IL1RAPL1: variants seen among roughly 807,000 people sequenced by gnomAD.
The protein encoded by IL1RAPL1 is interleukin-1 receptor accessory protein-like 1.
Under a neutral mutation model 48.4 loss-of-function variants are expected in IL1RAPL1, and 3 were observed. That is an observed-to-expected ratio of 0.06 (90% confidence interval 0.03 to 0.16). IL1RAPL1 has a LOEUF of 0.16. Ranked by LOEUF, IL1RAPL1 falls within the 10% of genes least tolerant of loss-of-function variation. The pLI, the probability that IL1RAPL1 is intolerant of heterozygous loss-of-function variation, is 1.00. For synonymous variants in IL1RAPL1, 185 were observed against 187.7 expected, an observed-to-expected ratio of 0.99 and a Z score of 0.12; for missense variants, 349 against 530.6, an observed-to-expected ratio of 0.66 and a Z score of 3.36.
intron 6 of IL1RAPL1, among the ~76,000 whole-genome samples, chrX:29,749,693 TTCTTTG>T (rs71900495): frequency 0.15 from 16,333 of 111,456 alleles, 1,225 homozygotes; most frequent in African/African-American, 0.28. Context: ...TAGCCAGACT[TTCTTTG>T]TCAAAAACAT....
intron 2 of IL1RAPL1, among the ~76,000 whole-genome samples, chrX:28,825,795 T>C (rs1298052108): frequency 9.0e-6 from 1 of 111,596 alleles, no homozygotes; most frequent in African/African-American, 3.2e-5. Flanking sequence ...TGCTATTTTT[T>C]TGAATATAGT....
At chrX:29,583,672 C>T (rs1923058141) in intron 5 of IL1RAPL1, among the ~76,000 whole-genome samples, 1 of 80,078 alleles carries the variant, frequency 1.2e-5, no homozygotes, top group Non-Finnish European at 2.4e-5. Context: ...CAATGCCATC[C>T]CCATCAAGCT....
chrX:28,854,491 A>G (rs4893599), intron 2 of IL1RAPL1, among the ~76,000 whole-genome samples: 57,671 of 109,922 alleles, frequency 0.52, 12,638 homozygotes, highest in African/African-American at 0.82. Flanking sequence ...ATTATGCTGT[A>G]TTTAAGGAAC....
chrX:29,379,683 CTT>C (rs1933669672), intron 3 of IL1RAPL1, among the ~76,000 whole-genome samples: 1 of 111,934 alleles, frequency 8.9e-6, no homozygotes, highest in Non-Finnish European at 1.9e-5. Context: ...GTTCAGGTAC[CTT>C]ATACACGGTT....
intron 6 of IL1RAPL1, among the ~76,000 whole-genome samples, chrX:29,793,482 C>CACTT (rs1929678255): frequency 9.0e-6 from 1 of 111,723 alleles, no homozygotes; most frequent in Non-Finnish European, 1.9e-5. Flanking sequence ...TTTTTCTTTT[C>CACTT]ACTTACTCAC....
chrX:29,195,700 C>T (rs760145898), intron 2 of IL1RAPL1, among the ~76,000 whole-genome samples: 5 of 108,994 alleles, frequency 4.6e-5, no homozygotes, highest in Non-Finnish European at 9.5e-5. Context: ...GCTGGGATTA[C>T]AGACATGCGC....
chrX:29,701,056 G>A (rs1294557735), intron 6 of IL1RAPL1, among the ~76,000 whole-genome samples: 2 of 111,640 alleles, frequency 1.8e-5, no homozygotes, highest in African/African-American at 3.3e-5. Flanking sequence ...GAAATTTTAC[G>A]TTACAAAATT....
rs752671784 is a variant in IL1RAPL1, at chrX:29,955,856, G to T, written c.*36G>T. The T allele has an allele frequency of 9.3e-7, 1 of 1,080,650 alleles. No individual in the cohort carries two copies. Among genetic ancestry groups the T allele is most frequent in the South Asian group, 1.9e-5 (1 of 53,665 alleles). 89.1% of individuals were successfully genotyped at this position (1,080,650 alleles called of 1,213,427 possible). A position where few individuals can be genotyped will look rare whatever the true frequency, so the allele number is the denominator to read the frequency against. ...AGGGACATCCCGTCCCTGGGAGGTT[G>T]AGTGGAATCTGCAGTCCAGTGCCTG... On this transcript the variant is annotated 3_prime_UTR_variant, in exon 11 of 11. Coordinates refer to ENST00000378993, the MANE Select transcript of IL1RAPL1 (RefSeq NM_014271.4).
chrX:28,872,902 A>G (rs950364209), intron 2 of IL1RAPL1, among the ~76,000 whole-genome samples: 12 of 111,571 alleles, frequency 1.1e-4, no homozygotes, highest in Non-Finnish European at 1.3e-4. Context: ...AAGCCCTATT[A>G]CCTACAAAAG....
chrX:29,706,469 C>T (rs954685579), intron 6 of IL1RAPL1, among the ~76,000 whole-genome samples: 1 of 111,551 alleles, frequency 9.0e-6, no homozygotes, highest in African/African-American at 3.3e-5. Flanking sequence ...AGTGGGGGTA[C>T]AGGCATTGGG....
At chrX:29,707,140 A>C (rs1927219494) in intron 6 of IL1RAPL1, among the ~76,000 whole-genome samples, 1 of 111,795 alleles carries the variant, frequency 8.9e-6, no homozygotes, top group Non-Finnish European at 1.9e-5. Flanking sequence ...ATGAGTAGAC[A>C]ATTCTCAAAG....
chrX:29,798,391 G>A (rs181150515), intron 6 of IL1RAPL1, among the ~76,000 whole-genome samples: 11 of 111,927 alleles, frequency 9.8e-5, no homozygotes, highest in Admixed American at 5.7e-4. Context: ...CGGTTTTATA[G>A]TAGGAGAGAA....
intron 2 of IL1RAPL1, among the ~76,000 whole-genome samples, chrX:29,281,968 A>G (rs141572146): frequency 2.1e-3 from 239 of 111,244 alleles, no homozygotes; most frequent in Non-Finnish European, 4.0e-3. Flanking sequence ...TGCTCACATG[A>G]TCTCTTTTTT....
intron 6 of IL1RAPL1, among the ~76,000 whole-genome samples, chrX:29,856,232 A>G (rs191031601): frequency 2.7e-5 from 3 of 111,542 alleles, no homozygotes; most frequent in Non-Finnish European, 5.7e-5. Context: ...ACATACTCCA[A>G]ACTACTTCCT....
chrX:29,289,917 A>T (rs1172129956), intron 3 of IL1RAPL1, among the ~76,000 whole-genome samples: 2 of 111,846 alleles, frequency 1.8e-5, no homozygotes, highest in African/African-American at 6.5e-5. Flanking sequence ...TTAAAAACAT[A>T]TTTTTTTCAA....
intron 2 of IL1RAPL1, among the ~76,000 whole-genome samples, chrX:28,829,046 C>A (rs1178707523): frequency 8.9e-6 from 1 of 111,882 alleles, no homozygotes; most frequent in Non-Finnish European, 1.9e-5. Context: ...TTTCAGTATA[C>A]AACTTTTGCA....
chrX:28,810,670 C>A lies in IL1RAPL1; in HGVS notation c.82+21245C>A, dbSNP rs542176791. Among the ~76,000 whole-genome samples the A allele has an allele frequency of 3.6e-5, 4 of 109,957 alleles. No individual in the cohort carries two copies. In the Admixed American group the frequency reaches 3.9e-4, roughly 11 times the overall value. Reference sequence around the variant, plus strand: ...ATTTTTTTTGTATGCCACTAGATAGCTAAAGGTGAACATGTAGGCCAAATG... The same window carrying A: ...ATTTTTTTTGTATGCCACTAGATAGATAAAGGTGAACATGTAGGCCAAATG... On this transcript the variant is annotated intron_variant, in intron 2 of 10. Coordinates refer to ENST00000378993, the MANE Select transcript of IL1RAPL1 (RefSeq NM_014271.4).
At chrX:29,593,724 T>C (rs530079451) in intron 5 of IL1RAPL1, among the ~76,000 whole-genome samples, 1 of 112,477 alleles carries the variant, frequency 8.9e-6, no homozygotes, top group Admixed American at 9.4e-5. Context: ...TTTAAATACA[T>C]GTTCATTTCA....
intron 2 of IL1RAPL1, among the ~76,000 whole-genome samples, chrX:29,246,871 T>A (rs1244826802): frequency 9.0e-6 from 1 of 110,936 alleles, no homozygotes; most frequent in African/African-American, 3.3e-5. Flanking sequence ...GGGAGAGTAG[T>A]AGGTAAGCTG....
Sources: allele counts gnomAD v4.1 joint callset (sites outside exome capture counted in the v4.1 genomes callset), GRCh38; gene constraint gnomAD v4.1.1; transcripts MANE v1.5; gene names NCBI Gene and HGNC (gene_info 2026-07-23, HGNC 2026-07-21).